KIF2A: variants seen among roughly 807,000 people sequenced by gnomAD.
KIF2A encodes the protein kinesin-like protein KIF2A.
A neutral mutation model predicts 100.2 loss-of-function variants in KIF2A; 22 were observed. The observed-to-expected ratio is 0.22, with a 90% CI of 0.16 to 0.31. KIF2A has a LOEUF of 0.31. KIF2A is among the 10% of genes least tolerant of loss of function. The pLI, the probability that KIF2A is intolerant of heterozygous loss-of-function variation, is 1.00. For synonymous variants in KIF2A, 268 were observed against 285.9 expected (o/e 0.94, Z 0.63); for missense variants, 495 against 898.7 (o/e 0.55, Z 5.74).
chr5:62,390,914 G>T lies in KIF2A; in HGVS notation c.*5345G>T. On this transcript the variant is annotated 3_prime_UTR_variant, in exon 21 of 21. Transcript: ENST00000407818. ...CTATGTCCATGGAACGGGCCCGTTT[G>T]TCACTAAAACCTGTGCTGGTTAGGA... 6.2e-7 allele frequency: 1 copy of T among 1,612,214 alleles called. No homozygotes were observed. The highest frequency in any genetic ancestry group is 1.1e-5 in the South Asian group (1 of 91,008).
chr5:62,351,052 T>C (rs935036663), intron 4 of KIF2A, among the ~76,000 whole-genome samples: 1 of 151,724 alleles, frequency 6.6e-6, no homozygotes, highest in Non-Finnish European at 1.5e-5. Context: ...GCCAACATGA[T>C]GAAACTCCAT....
At chr5:62,307,034 G>C (rs951958019) in intron 1 of KIF2A, 5 of 153,216 alleles carry the variant, frequency 3.3e-5, no homozygotes, top group African/African-American at 1.2e-4. Context: ...AGGCCGAGAT[G>C]GGGGGAAAGA....
chr5:62,353,245 A>G (rs757678056), intron 5 of KIF2A, 30 bp from the exon 6 acceptor site: 9 of 1,295,050 alleles, frequency 6.9e-6, no homozygotes, highest in Admixed American at 3.0e-5. Flanking sequence ...AAAGAAAACT[A>G]TACTTCTACA....
chr5:62,332,935 T>C (rs1337513813), intron 1 of KIF2A, among the ~76,000 whole-genome samples: 2 of 152,216 alleles, frequency 1.3e-5, no homozygotes, highest in African/African-American at 4.8e-5. Context: ...TAAACAAGTA[T>C]ATGAGAGGCT....
rs114873268 is a variant in KIF2A at position 62,308,114 on chromosome 5, T to G, written c.64+1578T>G. 2.8e-3 allele frequency among the ~76,000 whole-genome samples: 424 copies of G among 152,348 alleles called. 2 individuals are homozygous for G. Among genetic ancestry groups the G allele is most frequent in the African/African-American group, 9.9e-3 (413 of 41,596 alleles). ...TAATGATTTTTTCCTCCGTTATATT[T>G]GAAGTAATTTGTGGTAACAACTGAA... On this transcript the variant is annotated intron_variant, in intron 1 of 20. Coordinates refer to ENST00000407818, the MANE Select transcript of KIF2A (RefSeq NM_001098511.3).
In KIF2A at chr5:62,385,226, AC is replaced by A. The variant is rs571261986; in HGVS notation, c.2150-257del. Among the ~76,000 whole-genome samples the A allele has an allele frequency of 3.9e-5, 6 of 152,356 alleles. 1 individual carries two copies. The South Asian group carries it at 6.2e-4, about 16-fold the overall frequency. ...GAATTCCAATAAATTAAAACAGAGAACTGTAAATGTGCCAAACAGAACAGAA... is the reference window on the plus strand; with the variant it reads ...GAATTCCAATAAATTAAAACAGAGAATGTAAATGTGCCAAACAGAACAGAA... On this transcript the variant is annotated intron_variant, in intron 20 of 20. Transcript: ENST00000407818.
intron 20 of KIF2A, among the ~76,000 whole-genome samples, chr5:62,381,675 C>A (rs1476002371): frequency 6.6e-6 from 1 of 152,214 alleles, no homozygotes; most frequent in Non-Finnish European, 1.5e-5. Context: ...AGCAGTCCTC[C>A]CACCTCAGTC....
chr5:62,378,955 C>A (rs1021916514), intron 19 of KIF2A, among the ~76,000 whole-genome samples: 6 of 152,020 alleles, frequency 3.9e-5, no homozygotes, highest in Admixed American at 3.9e-4. Context: ...ATGAGACTCT[C>A]TTTAGAAGCC....
In KIF2A at chr5:62,388,887, T is replaced by A; in HGVS notation, c.*3318T>A. On this transcript the variant is annotated 3_prime_UTR_variant, in exon 21 of 21. Coordinates refer to ENST00000407818, the MANE Select transcript of KIF2A (RefSeq NM_001098511.3). ...TCATAAATGGTGACAACAGTAGTAG[T>A]ATTGAACCAAAAATAGTCAAGTAAA... 1.1e-6 allele frequency: 1 copy of A among 874,194 alleles called. No individual in the cohort carries two copies. The highest frequency in any genetic ancestry group is 1.8e-6 in the Non-Finnish European group (1 of 550,742). 54.2% of individuals were successfully genotyped at this position (874,194 alleles called of 1,614,324 possible). A position where few individuals can be genotyped will look rare whatever the true frequency, so the allele number is the denominator to read the frequency against.
At position 62,306,437 on chromosome 5, in the gene KIF2A, C is replaced by G. The variant is rs1325958211; in HGVS notation, c.-36C>G. On this transcript the variant is annotated 5_prime_UTR_variant, in exon 1 of 21. Coordinates refer to ENST00000407818, the MANE Select transcript of KIF2A (RefSeq NM_001098511.3). ...CCGCCTTTTCCGCCCTCCGGTCCCCCTCCCTCGGCCCGCTGCTGCTGCTCC... is the reference window on the plus strand; with the variant it reads ...CCGCCTTTTCCGCCCTCCGGTCCCCGTCCCTCGGCCCGCTGCTGCTGCTCC... 2.0e-5 allele frequency: 31 copies of G among 1,525,706 alleles called. No homozygotes were observed. The South Asian group carries it at 2.4e-4, about 12-fold the overall frequency. The allele number at this position is 1,525,706 out of a possible 1,614,324, so 94.5% of individuals were successfully genotyped here. A position where few individuals can be genotyped will look rare whatever the true frequency, so the allele number is the denominator to read the frequency against.
At chr5:62,347,032 T>TAAAAAA in intron 1 of KIF2A, 98 bp from the exon 2 acceptor site, 1 of 672,920 alleles carries the variant, frequency 1.5e-6, no homozygotes, top group Non-Finnish European at 2.5e-6. Flanking sequence ...GTAGTGTCAT[T>TAAAAAA]TTTTTTTTAA....
In KIF2A at chr5:62,387,347, T is replaced by C. The variant is rs1039167952; in HGVS notation, c.*1778T>C. The C allele has an allele frequency of 6.6e-6, 1 of 152,216 alleles. No homozygotes were observed. Among genetic ancestry groups the C allele is most frequent in the African/African-American group, 2.4e-5 (1 of 41,454 alleles). 9.4% of individuals were successfully genotyped at this position (152,216 alleles called of 1,614,324 possible). A position where few individuals can be genotyped will look rare whatever the true frequency, so the allele number is the denominator to read the frequency against. On this transcript the variant is annotated 3_prime_UTR_variant, in exon 21 of 21. Coordinates refer to ENST00000407818, the MANE Select transcript of KIF2A (RefSeq NM_001098511.3). ...AGGATATTTAAAAAAAAGGTAGTTT[T>C]TGAGATTAACCAACTTTCAAAGGGC...
intron 17 of KIF2A, among the ~76,000 whole-genome samples, chr5:62,372,994 T>TG (rs1741386357): frequency 6.6e-6 from 1 of 151,880 alleles, no homozygotes; most frequent in African/African-American, 2.4e-5. Flanking sequence ...CCCAGCACTT[T>TG]GGGAGGCGGA....
intron 1 of KIF2A, among the ~76,000 whole-genome samples, chr5:62,346,047 TATAATA>T (rs904110157): frequency 1.3e-5 from 2 of 151,994 alleles, no homozygotes; most frequent in Non-Finnish European, 2.9e-5. Context: ...TTGCAGTGTT[TATAATA>T]ATAATAATAA....
chr5:62,368,364 C>T (rs1459484319), intron 16 of KIF2A, among the ~76,000 whole-genome samples: 1 of 152,004 alleles, frequency 6.6e-6, no homozygotes, highest in Non-Finnish European at 1.5e-5. Context: ...TATAACCCCC[C>T]GGGTTTTTTT....
Position 62,327,013 on chromosome 5 carries a change from T to G in KIF2A, c.65-20117T>G, listed in dbSNP as rs1746413568. 2.0e-5 allele frequency among the ~76,000 whole-genome samples: 3 copies of G among 152,200 alleles called. 1 individual carries two copies. The South Asian group carries it at 6.2e-4, about 32-fold the overall frequency. On this transcript the variant is annotated intron_variant, in intron 1 of 20. Transcript: ENST00000407818. ...ACTACTCTCTTTGAGGCATTGCTCC[T>G]GTTTTACTTGATCTGTTAGCAGCAT...
chr5:62,328,175 G>T (rs1472485893), intron 1 of KIF2A, among the ~76,000 whole-genome samples: 1 of 152,020 alleles, frequency 6.6e-6, no homozygotes, highest in Admixed American at 6.5e-5. Flanking sequence ...TAACACGTAA[G>T]TAAAGATACA....
Position 62,373,736 on chromosome 5 carries a change from A to T in KIF2A, c.1810A>T (p.Ile604Leu), listed in dbSNP as rs370786223. The change falls in exon 18 of 21, where the codon ATA becomes TTA. Residue 604 changes from isoleucine (I) to leucine (L), a missense_variant. This residue lies in a region of KIF2A where 100 missense variants were observed against 138.2 expected (regional missense o/e 0.72). Transcript: ENST00000407818. Reference protein sequence around the residue: ...DPTAAGDVRPIMHHPPNQIDD... With the variant: ...DPTAAGDVRPLMHHPPNQIDD... Reference sequence around the variant, plus strand: ...AACTGCTGCTGGTGATGTTCGTCCAATAATGCACCATCCACCAAACCAGAT... The same window carrying T: ...AACTGCTGCTGGTGATGTTCGTCCATTAATGCACCATCCACCAAACCAGAT... 36 of 1,613,490 alleles carry T rather than the reference A, an allele frequency of 2.2e-5. No individual in the cohort carries two copies. Among genetic ancestry groups the T allele is most frequent in the Non-Finnish European group, 3.1e-5 (36 of 1,179,538 alleles).
At chr5:62,344,789 A>G (rs1161512966) in intron 1 of KIF2A, among the ~76,000 whole-genome samples, 2 of 152,238 alleles carry the variant, frequency 1.3e-5, no homozygotes, top group East Asian at 3.8e-4. Flanking sequence ...AGGTAGGTCT[A>G]TACATATTGT....
Sources: allele counts gnomAD v4.1 joint callset (sites outside exome capture counted in the v4.1 genomes callset), GRCh38; gene constraint gnomAD v4.1.1; regional missense constraint gnomAD v4.1.1; transcripts MANE v1.5; gene names NCBI Gene and HGNC (gene_info 2026-07-23, HGNC 2026-07-21).